TMEM132D: variants seen among roughly 807,000 people sequenced by gnomAD.
The protein encoded by TMEM132D is transmembrane protein 132D, also known as mature OL transmembrane protein.
Under a neutral mutation model 62.3 loss-of-function variants are expected in TMEM132D, and 21 were observed. The ratio of observed to expected loss-of-function variants is 0.34; its 90% CI spans 0.24 to 0.49. The LOEUF is 0.49. Among genes scored for constraint, TMEM132D ranks in the 20% least tolerant of loss-of-function variants. TMEM132D has a pLI of 0.99. For synonymous variants in TMEM132D, 621 were observed against 575.6 expected (o/e 1.08, Z -1.13); for missense variants, 1,346 against 1,402.8 (o/e 0.96, Z 0.65).
intron 1 of TMEM132D, among the ~76,000 whole-genome samples, chr12:129,845,072 G>C (rs1873318932): frequency 6.6e-6 from 1 of 152,170 alleles, no homozygotes; most frequent in African/African-American, 2.4e-5. Context: ...TTTTCAAAAC[G>C]AGAAGTTTAC....
At chr12:129,179,242 G>A (rs1013188165) in intron 5 of TMEM132D, among the ~76,000 whole-genome samples, 3 of 152,198 alleles carry the variant, frequency 2.0e-5, no homozygotes, top group African/African-American at 7.2e-5. Flanking sequence ...ATTATCTATT[G>A]TATTGCTCCA....
chr12:129,336,575 G>GA (rs971383863), intron 4 of TMEM132D, among the ~76,000 whole-genome samples: 38 of 143,898 alleles, frequency 2.6e-4, no homozygotes, highest in East Asian at 4.0e-4. Context: ...CCGTCAAAAA[G>GA]AAAAAAAAAA....
At chr12:129,713,331 A>C (rs1868448426) in intron 1 of TMEM132D, among the ~76,000 whole-genome samples, 1 of 152,180 alleles carries the variant, frequency 6.6e-6, no homozygotes, top group African/African-American at 2.4e-5. Flanking sequence ...AAATATATAA[A>C]AATCCATTTG....
chr12:129,340,898 G>C (rs983586934), intron 3 of TMEM132D, among the ~76,000 whole-genome samples: 2 of 152,186 alleles, frequency 1.3e-5, no homozygotes, highest in Non-Finnish European at 2.9e-5. Flanking sequence ...TGGGGAAAAC[G>C]TTGTATGCGC....
intron 3 of TMEM132D, among the ~76,000 whole-genome samples, chr12:129,511,949 T>C (rs1875508246): frequency 6.6e-6 from 1 of 152,168 alleles, no homozygotes; most frequent in South Asian, 2.1e-4. Flanking sequence ...AAATAATAAA[T>C]ATGGGATGAC....
At chr12:129,756,831 G>T (rs536602215) in intron 1 of TMEM132D, among the ~76,000 whole-genome samples, 2 of 152,164 alleles carry the variant, frequency 1.3e-5, no homozygotes, top group South Asian at 4.1e-4. Context: ...TGTCCATGCC[G>T]CTCCAGCATT....
intron 5 of TMEM132D, among the ~76,000 whole-genome samples, chr12:129,128,933 T>G (rs1471301513): frequency 6.6e-6 from 1 of 151,924 alleles, no homozygotes; most frequent in African/African-American, 2.4e-5. Flanking sequence ...GATTTCATCG[T>G]TTTTCATGGC....
chr12:129,516,548 C>T (rs780418309), intron 3 of TMEM132D, among the ~76,000 whole-genome samples: 35 of 152,158 alleles, frequency 2.3e-4, no homozygotes, highest in East Asian at 3.9e-4. Context: ...CATCAGATCT[C>T]GTGAGACTTA....
chr12:129,089,600 G>A lies in TMEM132D; in HGVS notation c.1444-4898C>T, dbSNP rs73159556. 3.8e-3 allele frequency among the ~76,000 whole-genome samples: 288 copies of A among 75,618 alleles called. 36 individuals carry two copies. Among genetic ancestry groups the A allele is most frequent in the East Asian group, 0.031 (25 of 804 alleles). The allele number at this position is 75,618 out of a possible 152,430, so 49.6% of individuals were successfully genotyped here. ...CCTGACCGGGGTGTCCTCCCTGACC[G>A]GGGTGTCCTCCCTGACGGGGGCCTT... On this transcript the variant is annotated intron_variant, in intron 5 of 8. Transcript: ENST00000422113.
At chr12:129,233,895 G>GA (rs1879713216) in intron 4 of TMEM132D, among the ~76,000 whole-genome samples, 1 of 151,922 alleles carries the variant, frequency 6.6e-6, no homozygotes, top group Non-Finnish European at 1.5e-5. Flanking sequence ...TATATTTTTT[G>GA]AAAAAATCAC....
chr12:129,673,053 T>C (rs2137201299), intron 2 of TMEM132D, among the ~76,000 whole-genome samples: 1 of 152,348 alleles, frequency 6.6e-6, no homozygotes, highest in East Asian at 1.9e-4. Flanking sequence ...CGGCCAGTTC[T>C]ATGAGTTTTA....
intron 5 of TMEM132D, among the ~76,000 whole-genome samples, chr12:129,138,944 C>G (rs1876661461): frequency 6.6e-6 from 1 of 152,198 alleles, no homozygotes. Flanking sequence ...TGACAAATGA[C>G]TACCCACAGA....
chr12:129,407,547 G>C (rs541156154), intron 3 of TMEM132D, among the ~76,000 whole-genome samples: 2 of 152,212 alleles, frequency 1.3e-5, no homozygotes, highest in African/African-American at 4.8e-5. Context: ...TAAAATACAT[G>C]AATCTGTTTC....
intron 1 of TMEM132D, among the ~76,000 whole-genome samples, chr12:129,823,295 A>G (rs1258593627): frequency 6.6e-6 from 1 of 152,244 alleles, no homozygotes; most frequent in East Asian, 1.9e-4. Context: ...CAATGGAAGA[A>G]TGGCCTAACA....
At chr12:129,577,428 A>G (rs960152260) in intron 2 of TMEM132D, among the ~76,000 whole-genome samples, 5 of 148,206 alleles carry the variant, frequency 3.4e-5, no homozygotes, top group Non-Finnish European at 1.5e-5. Context: ...ATATAAATAT[A>G]TATCTATATT....
rs574163477 is a variant in TMEM132D, at chr12:129,773,519, C to T, written c.80-72821G>A. On this transcript the variant is annotated intron_variant, in intron 1 of 8. Transcript: ENST00000422113. ...AAGATATGGAAGCAGCAGGATGTTC[C>T]AGGCAAAGGAACAATTAGTGCAAAA... 4.9e-4 allele frequency among the ~76,000 whole-genome samples: 74 copies of T among 152,200 alleles called. 1 individual carries two copies. Among genetic ancestry groups the T allele is most frequent in the Non-Finnish European group, 9.6e-4 (65 of 68,014 alleles).
At position 129,331,469 on chromosome 12, in the gene TMEM132D, T is replaced by C. The variant is rs796067310; in HGVS notation, c.1299+6165A>G. ...AGTTTTATCTCAAGTTTCAGATCCATTCTAATAACTAAAACTTAGTGGTCA... is the reference window on the plus strand; with the variant it reads ...AGTTTTATCTCAAGTTTCAGATCCACTCTAATAACTAAAACTTAGTGGTCA... On this transcript the variant is annotated intron_variant, in intron 4 of 8. Transcript: ENST00000422113. Among the ~76,000 whole-genome samples, 62 of 152,264 alleles carry C rather than the reference T, an allele frequency of 4.1e-4. 1 individual carries two copies. Among genetic ancestry groups the C allele is most frequent in the African/African-American group, 1.4e-3 (57 of 41,550 alleles).
At chr12:129,441,152 T>C (rs1872925642) in intron 3 of TMEM132D, among the ~76,000 whole-genome samples, 1 of 152,164 alleles carries the variant, frequency 6.6e-6, no homozygotes, top group African/African-American at 2.4e-5. Context: ...TGCATGCACA[T>C]ACCTGTATAT....
At chr12:129,824,793 C>G (rs1872620685) in intron 1 of TMEM132D, among the ~76,000 whole-genome samples, 1 of 152,178 alleles carries the variant, frequency 6.6e-6, no homozygotes, top group Non-Finnish European at 1.5e-5. Context: ...CTGACACTTA[C>G]AGATTAGCCA....
Sources: gnomAD v4.1 joint callset for allele counts (sites outside exome capture counted in the v4.1 genomes callset) on GRCh38, gnomAD v4.1.1 for gene constraint, MANE v1.5 for transcripts, NCBI Gene and HGNC (gene_info 2026-07-23, HGNC 2026-07-21) for gene names.